The following NTRK3 variants were observed in gnomAD, a reference collection of about 807,000 sequenced individuals.
NTRK3 encodes the protein neurotrophic receptor tyrosine kinase 3, also known as NT-3 growth factor receptor.
NTRK3 carries 24 observed loss-of-function variants against 91.7 expected under a neutral mutation model. That is an observed-to-expected ratio of 0.26 (90% CI 0.19 to 0.37). The LOEUF is 0.37. NTRK3 is among the 10% of genes least tolerant of loss of function. NTRK3 has a pLI of 1.00. For synonymous variants in NTRK3, 483 were observed against 404.0 expected (o/e 1.20, Z -2.34); for missense variants, 880 against 1,068.9 (o/e 0.82, Z 2.46).
exon 19 of NTRK3, chr15:87,873,867 T>C (rs78225812): frequency 1.7e-5 from 4 of 231,428 alleles, no homozygotes; most frequent in East Asian, 1.2e-4. Flanking sequence ...GAGTGTCTTA[T>C]TGGAACTCAG....
At chr15:88,174,119 G>C (rs1391630192) in intron 5 of NTRK3, among the ~76,000 whole-genome samples, 1 of 152,144 alleles carries the variant, frequency 6.6e-6, no homozygotes, top group African/African-American at 2.4e-5. Context: ...AAAACAAATA[G>C]ACAACAGATT....
In NTRK3 at chr15:88,116,779, G is replaced by A. The variant is rs140682963; in HGVS notation, c.1396+9492C>T. 5.6e-3 allele frequency among the ~76,000 whole-genome samples: 851 copies of A among 152,302 alleles called. 4 individuals are homozygous for A. Among genetic ancestry groups the A allele is most frequent in the Non-Finnish European group, 9.6e-3 (656 of 68,024 alleles). ...TTCAAGTTTGAGAAGTACCGTTCAT[G>A]TTATCAGCCATTGTCTCTCTACAGA... On this transcript the variant is annotated intron_variant, in intron 13 of 18. Coordinates refer to ENST00000394480, the Ensembl canonical transcript of NTRK3.
chr15:87,885,690 C>T lies in NTRK3; in HGVS notation c.2134-5262G>A, dbSNP rs2065493327. 1 of 1,386,278 alleles carries T rather than the reference C, an allele frequency of 7.2e-7. No homozygotes were observed. Among genetic ancestry groups the T allele is most frequent in the African/African-American group, 1.5e-5 (1 of 67,482 alleles). The allele number at this position is 1,386,278 out of a possible 1,614,324, so 85.9% of individuals were successfully genotyped here. ...CATTAAAAAAAATACGCTTAGATAC[C>T]TACCTCACACCATATACAAAAATCA... On this transcript the variant is annotated intron_variant, in intron 17 of 18. Coordinates refer to ENST00000394480, the Ensembl canonical transcript of NTRK3.
At chr15:88,201,425 C>T (rs2048297297) in intron 3 of NTRK3, among the ~76,000 whole-genome samples, 1 of 152,174 alleles carries the variant, frequency 6.6e-6, no homozygotes, top group South Asian at 2.1e-4. Flanking sequence ...ATGTGCAATT[C>T]AAGAATTCAA....
chr15:88,252,177 G>A (rs555385946), intron 3 of NTRK3, among the ~76,000 whole-genome samples: 130 of 152,242 alleles, frequency 8.5e-4, no homozygotes, highest in African/African-American at 3.1e-3. Flanking sequence ...CTCAGACCTA[G>A]TCCTAATCCT....
chr15:87,873,870 G>A (rs2064885594), exon 19 of NTRK3: 1 of 231,238 alleles, frequency 4.3e-6, no homozygotes, highest in Admixed American at 5.6e-5. Flanking sequence ...TGTCTTATTG[G>A]AACTCAGCCT....
At chr15:87,910,380 G>A (rs752340549) in intron 17 of NTRK3, among the ~76,000 whole-genome samples, 12 of 152,166 alleles carry the variant, frequency 7.9e-5, no homozygotes, top group Non-Finnish European at 1.8e-4. Context: ...AAAGAGACAG[G>A]TTCAGAAATG....
chr15:87,903,315 A>T (rs1284033228), intron 17 of NTRK3, among the ~76,000 whole-genome samples: 1 of 152,258 alleles, frequency 6.6e-6, no homozygotes, highest in East Asian at 1.9e-4. Flanking sequence ...ACCAGCTTTG[A>T]AGATAAGATG....
chr15:87,916,882 C>T (rs1321583097), intron 17 of NTRK3, among the ~76,000 whole-genome samples: 1 of 151,930 alleles, frequency 6.6e-6, no homozygotes, highest in East Asian at 1.9e-4. Flanking sequence ...CTGCCTCAGC[C>T]TCCCCAAGCA....
intron 5 of NTRK3, among the ~76,000 whole-genome samples, chr15:88,156,900 A>C (rs1315578301): frequency 6.6e-6 from 1 of 152,200 alleles, no homozygotes; most frequent in African/African-American, 2.4e-5. Flanking sequence ...AAACTCTTTC[A>C]TCTGAAGGGA....
rs62019302 is a variant in NTRK3 at position 88,208,214 on chromosome 15, C to T, written c.249-23915G>A. On this transcript the variant is annotated intron_variant, in intron 3 of 18. Transcript: ENST00000394480. ...GCACTCTGTGTGCCCAGGAAGGCTTCCATCTCTCAAAGTCCATTTCTTCCC... is the reference window on the plus strand; with the variant it reads ...GCACTCTGTGTGCCCAGGAAGGCTTTCATCTCTCAAAGTCCATTTCTTCCC... 7.0e-3 allele frequency among the ~76,000 whole-genome samples: 1,061 copies of T among 152,166 alleles called. 8 individuals carry two copies. Among genetic ancestry groups the T allele is most frequent in the Non-Finnish European group, 0.012 (788 of 68,012 alleles).
At chr15:88,088,233 G>A (rs1033383793) in intron 13 of NTRK3, among the ~76,000 whole-genome samples, 1 of 152,210 alleles carries the variant, frequency 6.6e-6, no homozygotes, top group Non-Finnish European at 1.5e-5. Context: ...GAGTTGTTGA[G>A]AGAAAAGCCA....
intron 5 of NTRK3, among the ~76,000 whole-genome samples, chr15:88,149,068 G>A (rs1340017900): frequency 6.6e-6 from 1 of 152,220 alleles, no homozygotes; most frequent in East Asian, 1.9e-4. Flanking sequence ...CAAATTGCCT[G>A]CTGGATTCCT....
At chr15:88,078,435 A>C (rs2047749753) in intron 13 of NTRK3, among the ~76,000 whole-genome samples, 1 of 152,202 alleles carries the variant, frequency 6.6e-6, no homozygotes, top group Non-Finnish European at 1.5e-5. Context: ...GATCACTTGA[A>C]GTCAGGAGTT....
At chr15:87,874,530 T>C (rs2064899984) in exon 19 of NTRK3, 1 of 233,244 alleles carries the variant, frequency 4.3e-6, no homozygotes, top group Non-Finnish European at 8.5e-6. Flanking sequence ...CCAACCCAGT[T>C]CTTCTCCTGC....
At chr15:88,155,672 T>A (rs978693491) in intron 5 of NTRK3, among the ~76,000 whole-genome samples, 1 of 152,200 alleles carries the variant, frequency 6.6e-6, no homozygotes, top group African/African-American at 2.4e-5. Flanking sequence ...AGTATAGATA[T>A]AATAAAAGAC....
chr15:88,227,463 T>C (rs186851384), intron 3 of NTRK3, among the ~76,000 whole-genome samples: 27 of 152,228 alleles, frequency 1.8e-4, no homozygotes, highest in Admixed American at 7.2e-4. Context: ...GACTGGGTCC[T>C]TATAAGAGGA....
At chr15:88,008,171 G>A (rs1567220335) in intron 14 of NTRK3, among the ~76,000 whole-genome samples, 1 of 152,198 alleles carries the variant, frequency 6.6e-6, no homozygotes, top group Non-Finnish European at 1.5e-5. Flanking sequence ...CTCACAGAGA[G>A]CAAATACACT....
chr15:88,243,261 A>G lies in NTRK3; in HGVS notation c.248+12645T>C, dbSNP rs1311651038. On this transcript the variant is annotated intron_variant, in intron 3 of 18. Coordinates refer to ENST00000394480, the Ensembl canonical transcript of NTRK3. The surrounding 1 kb of genome is among the most constrained non-coding windows in gnomAD (Gnocchi z 4.8). Reference sequence around the variant, plus strand: ...TCTTATCGCCACATTTGTTCAAATGACTGCCACTTAAGAGGTGGCAGGGAG... The same window carrying G: ...TCTTATCGCCACATTTGTTCAAATGGCTGCCACTTAAGAGGTGGCAGGGAG... 6.6e-6 allele frequency among the ~76,000 whole-genome samples: 1 copy of G among 152,130 alleles called. No individual in the cohort carries two copies. The highest frequency in any genetic ancestry group is 1.5e-5 in the Non-Finnish European group (1 of 68,036).
Sources: allele counts gnomAD v4.1 joint callset (sites outside exome capture counted in the v4.1 genomes callset), GRCh38; gene constraint gnomAD v4.1.1; non-coding constraint Gnocchi (gnomAD v3.1); transcripts MANE v1.5; gene names NCBI Gene and HGNC (gene_info 2026-07-23, HGNC 2026-07-21).